Variants in ACP1 observed in about 807,000 individuals in gnomAD.
The protein encoded by ACP1 is low molecular weight phosphotyrosine protein phosphatase.
ACP1 carries 23 observed loss-of-function variants against 23.4 expected under a neutral mutation model. The ratio of observed to expected loss-of-function variants is 0.98; its 90% CI spans 0.71 to 1.39. ACP1 has a LOEUF of 1.39. Among genes scored for constraint, ACP1 ranks in the 40% most tolerant of loss-of-function variants. The pLI, the probability that ACP1 is intolerant of heterozygous loss-of-function variation, is 0.00. For missense variants in ACP1, 180 were observed against 197.7 expected, an observed-to-expected ratio of 0.91 and a Z score of 0.54; for synonymous variants, 72 against 67.2, an observed-to-expected ratio of 1.07 and a Z score of -0.35.
intron 3 of ACP1, among the ~76,000 whole-genome samples, chr2:273,440 G>A (rs925138508): frequency 2.0e-5 from 3 of 152,364 alleles, no homozygotes; most frequent in Admixed American, 6.5e-5. Flanking sequence ...GCAGGAGTCT[G>A]CAGATTGGGG....
intron 1 of ACP1, among the ~76,000 whole-genome samples, chr2:267,061 G>T (rs1669910337): frequency 6.6e-6 from 1 of 152,182 alleles, no homozygotes; most frequent in South Asian, 2.1e-4. Flanking sequence ...GAATGGGATG[G>T]CATGAGAATT....
chr2:276,629 C>T (rs1249872420), intron 4 of ACP1, among the ~76,000 whole-genome samples: 2 of 152,120 alleles, frequency 1.3e-5, no homozygotes, highest in African/African-American at 4.8e-5. Context: ...ATTGGTAGCC[C>T]TCTGTTTTGG....
intron 3 of ACP1, among the ~76,000 whole-genome samples, chr2:274,171 A>G (rs1049890180): frequency 4.6e-5 from 7 of 152,174 alleles, no homozygotes; most frequent in Non-Finnish European, 7.4e-5. Flanking sequence ...TCTAAAAACA[A>G]AAAGAAAAAA....
intron 1 of ACP1, among the ~76,000 whole-genome samples, chr2:271,007 A>G (rs1670012996): frequency 1.3e-5 from 2 of 152,270 alleles, no homozygotes; most frequent in South Asian, 4.1e-4. Flanking sequence ...GGTCTAAAGT[A>G]AGGATGGCCC....
At position 277,015 on chromosome 2, in the gene ACP1, G is replaced by C. The variant is rs1182087030; in HGVS notation, c.329G>C (p.Cys110Ser). The change falls in exon 5 of 6, where the codon TGC (cysteine) becomes TCC (serine). Residue 110 changes from cysteine to serine, a missense_variant. This residue lies in a region of ACP1 where 13 missense variants were observed against 33.0 expected (regional missense o/e 0.39). Coordinates refer to ENST00000272065, the MANE Select transcript of ACP1 (RefSeq NM_004300.4). ...LNRKSNQVKT[C>S]KAKIELLGSY... Reference sequence around the variant, plus strand: ...AGAAAAAGTAATCAAGTTAAAACCTGCAAAGCTAAAATTGAACTACTTGGG... The same window carrying C: ...AGAAAAAGTAATCAAGTTAAAACCTCCAAAGCTAAAATTGAACTACTTGGG... The C allele has an allele frequency of 1.2e-6, 2 of 1,611,130 alleles. No individual in the cohort carries two copies. Among genetic ancestry groups the C allele is most frequent in the Admixed American group, 3.3e-5 (2 of 59,702 alleles).
intron 3 of ACP1, among the ~76,000 whole-genome samples, chr2:274,316 A>G (rs1235568582): frequency 6.6e-6 from 1 of 152,196 alleles, no homozygotes; most frequent in East Asian, 1.9e-4. Context: ...ACAGGTATAC[A>G]CTTTCCACCT....
intron 4 of ACP1, 36 bp from the exon 5 acceptor site, chr2:276,944 A>C (rs374855649): frequency 3.3e-5 from 45 of 1,351,794 alleles, no homozygotes; most frequent in Non-Finnish European, 4.3e-5. Context: ...TTGAAACCAT[A>C]GATCAGAAAA....
Position 264,978 on chromosome 2 carries a change from C to G in ACP1, c.14C>G (p.Ala5Gly), listed in dbSNP as rs369916711. ...GCGCGCGGGAAGATGGCGGAACAGGCTACCAAGTCCGTGCTGTTTGTGTGT... is the reference window on the plus strand; with the variant it reads ...GCGCGCGGGAAGATGGCGGAACAGGGTACCAAGTCCGTGCTGTTTGTGTGT... MAEQ[A>G]TKSVLFVCLG... Residue 5 changes from alanine (A) to glycine (G), a missense_variant, in exon 1 of 6, where the codon GCT (alanine) becomes GGT (glycine). Coordinates refer to ENST00000272065, the MANE Select transcript of ACP1 (RefSeq NM_004300.4). 2.5e-6 allele frequency: 4 copies of G among 1,613,064 alleles called. No homozygotes were observed. In the South Asian group the frequency reaches 3.3e-5, roughly 13 times the overall value.
At chr2:266,901 T>C (rs1000129166) in intron 1 of ACP1, among the ~76,000 whole-genome samples, 2 of 152,284 alleles carry the variant, frequency 1.3e-5, no homozygotes, top group South Asian at 4.2e-4. Context: ...ACTACTCTTA[T>C]GATTTCGGGC....
chr2:266,659 G>A (rs1180558333), intron 1 of ACP1, among the ~76,000 whole-genome samples: 1 of 152,172 alleles, frequency 6.6e-6, no homozygotes, highest in East Asian at 1.9e-4. Flanking sequence ...CCTTAACTAA[G>A]CATTTAAAAC....
intron 3 of ACP1, among the ~76,000 whole-genome samples, chr2:273,394 A>C (rs1393464512): frequency 1.3e-5 from 2 of 152,230 alleles, no homozygotes; most frequent in Non-Finnish European, 1.5e-5. Flanking sequence ...AGGTCTCATC[A>C]CTTTCCAGTT....
intron 4 of ACP1, chr2:275,553 A>C (rs554731564): frequency 6.2e-6 from 1 of 161,152 alleles, no homozygotes; most frequent in African/African-American, 2.4e-5. Context: ...TGTTTTATTG[A>C]TTCTCAGGTC....
chr2:272,712 T>C (rs772762914), intron 3 of ACP1: 2 of 230,444 alleles, frequency 8.7e-6, no homozygotes, highest in South Asian at 9.7e-5. Flanking sequence ...CTTAGTAATA[T>C]AGGGTAATAC....
chr2:271,968 C>A (rs2103073722), intron 2 of ACP1, 29 bp downstream of exon 2: 3 of 1,605,998 alleles, frequency 1.9e-6, no homozygotes, highest in Non-Finnish European at 2.6e-6. Context: ...CTTAAAGAGG[C>A]CAACCTGAAC....
Position 265,107 on chromosome 2 carries a change from G to A in ACP1, c.43+100G>A. 2.0e-6 allele frequency: 3 copies of A among 1,477,656 alleles called. No homozygotes were observed. In the Admixed American group the frequency reaches 5.4e-5, roughly 26 times the overall value. The allele number at this position is 1,477,656 out of a possible 1,614,324, so 91.5% of individuals were successfully genotyped here. A position where few individuals can be genotyped will look rare whatever the true frequency, so the allele number is the denominator to read the frequency against. ...GCCGCCGGCCTAGGAACCATGAGGGGGAGGAGGCCAGGGACTGGGAGGCCT... is the reference window on the plus strand; with the variant it reads ...GCCGCCGGCCTAGGAACCATGAGGGAGAGGAGGCCAGGGACTGGGAGGCCT... On this transcript the variant is annotated intron_variant, in intron 1 of 5. Transcript: ENST00000272065.
At position 264,985 on chromosome 2, in the gene ACP1, G is replaced by T. The variant is rs11691572; in HGVS notation, c.21G>T (p.Lys7Asn). ...GGAAGATGGCGGAACAGGCTACCAAGTCCGTGCTGTTTGTGTGTCTGGGTA... is the reference window on the plus strand; with the variant it reads ...GGAAGATGGCGGAACAGGCTACCAATTCCGTGCTGTTTGTGTGTCTGGGTA... MAEQAT[K>N]SVLFVCLGNI... The change falls in exon 1 of 6, where the codon AAG becomes AAT. Residue 7 changes from lysine to asparagine, a missense_variant. Transcript: ENST00000272065. 9.8e-4 allele frequency: 1,581 copies of T among 1,613,176 alleles called. 16 individuals are homozygous for T. In the African/African-American group the frequency reaches 0.019, roughly 19 times the overall value.
chr2:275,133 AT>A lies in ACP1; in HGVS notation c.232-3del. On this transcript the variant is annotated splice_region_variant and splice_polypyrimidine_tract_variant and intron_variant, in intron 3 of 5. Transcript: ENST00000272065. ...ACACTGTGTTTTGACTTCTTATTCAATTTTAGATTACCAAAGAAGATTTTGC... is the reference window on the plus strand; with the variant it reads ...ACACTGTGTTTTGACTTCTTATTCAATTTAGATTACCAAAGAAGATTTTGC... 2 of 1,476,506 alleles carry A rather than the reference AT, an allele frequency of 1.4e-6. No homozygotes were observed. Among genetic ancestry groups the A allele is most frequent in the Non-Finnish European group, 1.9e-6 (2 of 1,069,258 alleles). 91.5% of individuals were successfully genotyped at this position (1,476,506 alleles called of 1,614,324 possible).
chr2:274,983 T>A, intron 3 of ACP1, 157 bp from the exon 4 acceptor site: 2 of 404,660 alleles, frequency 4.9e-6, no homozygotes, highest in Non-Finnish European at 8.9e-6. Context: ...ATAGGTTAAC[T>A]CTATTTTAAC....
intron 3 of ACP1, among the ~76,000 whole-genome samples, chr2:274,381 C>A (rs915453067): frequency 6.6e-6 from 1 of 152,006 alleles, no homozygotes; most frequent in African/African-American, 2.4e-5. Flanking sequence ...TTATAGTAGT[C>A]GAAATTCACA....
Sources: gnomAD v4.1 joint callset for allele counts (sites outside exome capture counted in the v4.1 genomes callset) on GRCh38, gnomAD v4.1.1 for gene constraint, gnomAD v4.1.1 regional missense constraint, MANE v1.5 for transcripts, NCBI Gene and HGNC (gene_info 2026-07-23, HGNC 2026-07-21) for gene names.